SYNDIG1: variants seen among roughly 807,000 people sequenced by gnomAD.
The protein encoded by SYNDIG1 is synapse differentiation inducing 1.
SYNDIG1 carries 9 observed loss-of-function variants against 19.4 expected under a neutral mutation model. That is an observed-to-expected ratio of 0.46 (90% CI 0.28 to 0.81). The LOEUF is 0.81. Among genes scored for constraint, SYNDIG1 ranks in the 30% least tolerant of loss-of-function variants. The probability of loss-of-function intolerance (pLI) is 0.12; values close to 1 mark genes in which losing one functional copy is unlikely to be tolerated. For synonymous variants in SYNDIG1, 141 were observed against 145.9 expected (o/e 0.97, Z 0.24); for missense variants, 311 against 343.3 (o/e 0.91, Z 0.74).
intron 2 of SYNDIG1, among the ~76,000 whole-genome samples, chr20:24,573,270 G>A (rs1226560073): frequency 6.6e-6 from 1 of 152,206 alleles, no homozygotes; most frequent in Non-Finnish European, 1.5e-5. Context: ...ATAGAAGGCT[G>A]CATCCCTATT....
rs1298953714 is a variant in SYNDIG1 at position 24,666,370 on chromosome 20, C to G, written c.*866C>G. On this transcript the variant is annotated 3_prime_UTR_variant, in exon 4 of 4. Coordinates refer to ENST00000376862, the MANE Select transcript of SYNDIG1 (RefSeq NM_024893.3). ...CCGCGCTGGCGGATGCTCACCCCGT[C>G]ATAAGCAGAAACTAGTGATCCTGGA... is the stretch of plus-strand genomic sequence containing the variant. 1 of 152,644 alleles carries G rather than the reference C, an allele frequency of 6.6e-6. No individual in the cohort carries two copies. Among genetic ancestry groups the G allele is most frequent in the Non-Finnish European group, 1.5e-5 (1 of 68,048 alleles). The allele number at this position is 152,644 out of a possible 1,614,324, so 9.5% of individuals were successfully genotyped here.
rs150001545 is a variant in SYNDIG1, at chr20:24,565,257, A to G, written c.481-19599A>G. Among the ~76,000 whole-genome samples, 105 of 152,340 alleles carry G rather than the reference A, an allele frequency of 6.9e-4. 2 individuals carry two copies. Among genetic ancestry groups the G allele is most frequent in the Admixed American group, 4.3e-3 (66 of 15,304 alleles). On this transcript the variant is annotated intron_variant, in intron 2 of 3. Coordinates refer to ENST00000376862, the MANE Select transcript of SYNDIG1 (RefSeq NM_024893.3). ...GAAACAAGAATATGTGAAGGAAGGAACATTCCTCAGTTACAATGCAAGAAG... is the reference window on the plus strand; with the variant it reads ...GAAACAAGAATATGTGAAGGAAGGAGCATTCCTCAGTTACAATGCAAGAAG...
intron 1 of SYNDIG1, among the ~76,000 whole-genome samples, chr20:24,528,642 C>T (rs953718331): frequency 3.3e-5 from 5 of 152,162 alleles, no homozygotes; most frequent in African/African-American, 1.2e-4. Context: ...AGGCACTAAT[C>T]CTATGGGCGA....
chr20:24,618,813 CT>C (rs2058990786), intron 3 of SYNDIG1, among the ~76,000 whole-genome samples: 1 of 146,600 alleles, frequency 6.8e-6, no homozygotes. Context: ...ACTCTTTTTC[CT>C]TTTTCCTTTC....
In SYNDIG1 at chr20:24,591,803, C is replaced by T. The variant is rs543844194; in HGVS notation, c.618+6810C>T. On this transcript the variant is annotated intron_variant, in intron 3 of 3. Coordinates refer to ENST00000376862, the MANE Select transcript of SYNDIG1 (RefSeq NM_024893.3). ...AAGGGTAGAGCCAGGATTCGGTGCC[C>T]CCACCATCAATGCCCACTTCTGGGT... Among the ~76,000 whole-genome samples, 7 of 152,288 alleles carry T rather than the reference C, an allele frequency of 4.6e-5. No individual in the cohort carries two copies. In the South Asian group the frequency reaches 1.5e-3, roughly 32 times the overall value.
intron 2 of SYNDIG1, among the ~76,000 whole-genome samples, chr20:24,546,048 A>G (rs1334132922): frequency 6.6e-6 from 1 of 152,200 alleles, no homozygotes; most frequent in East Asian, 1.9e-4. Flanking sequence ...ATGGAGACAC[A>G]TTATGGCTGC....
At chr20:24,503,634 G>GCT (rs1339382082) in intron 1 of SYNDIG1, among the ~76,000 whole-genome samples, 1 of 149,750 alleles carries the variant, frequency 6.7e-6, no homozygotes, top group Non-Finnish European at 1.5e-5. Context: ...CCCTTTGCTA[G>GCT]CTTTCCACTG....
chr20:24,485,067 T>G (rs1189941621), intron 1 of SYNDIG1, among the ~76,000 whole-genome samples: 1 of 150,454 alleles, frequency 6.6e-6, no homozygotes, highest in African/African-American at 2.5e-5. Context: ...ACTTCCCTTT[T>G]GACCGTCTCT....
At chr20:24,487,420 C>CA (rs779721359) in intron 1 of SYNDIG1, among the ~76,000 whole-genome samples, 1 of 152,108 alleles carries the variant, frequency 6.6e-6, no homozygotes, top group East Asian at 1.9e-4. Context: ...GATGGTGGTC[C>CA]AGATGCCAGC....
intron 3 of SYNDIG1, among the ~76,000 whole-genome samples, chr20:24,622,789 A>T (rs1364282555): frequency 1.3e-5 from 2 of 152,228 alleles, no homozygotes; most frequent in East Asian, 1.9e-4. Flanking sequence ...AATATTTTTT[A>T]AAATCATGGC....
chr20:24,641,547 GTTA>G (rs1313606255), intron 3 of SYNDIG1, among the ~76,000 whole-genome samples: 1 of 152,180 alleles, frequency 6.6e-6, no homozygotes, highest in East Asian at 1.9e-4. Flanking sequence ...AAGTCAGTGT[GTTA>G]TTGTTGTTAG....
intron 3 of SYNDIG1, among the ~76,000 whole-genome samples, chr20:24,641,779 T>A (rs1358153445): frequency 6.6e-6 from 1 of 152,212 alleles, no homozygotes; most frequent in Non-Finnish European, 1.5e-5. Context: ...GACTCACAGC[T>A]CCTGGTCTCT....
At chr20:24,471,674 A>G (rs2055464875) in intron 1 of SYNDIG1, among the ~76,000 whole-genome samples, 1 of 151,854 alleles carries the variant, frequency 6.6e-6, no homozygotes, top group Admixed American at 6.6e-5. Flanking sequence ...GGAAAATTTC[A>G]GTTGTACACA....
At chr20:24,603,832 T>A (rs1420778028) in intron 3 of SYNDIG1, among the ~76,000 whole-genome samples, 1 of 152,316 alleles carries the variant, frequency 6.6e-6, no homozygotes, top group South Asian at 2.1e-4. Context: ...AGTGGATACC[T>A]GCTCCTGCAG....
intron 2 of SYNDIG1, among the ~76,000 whole-genome samples, chr20:24,557,266 C>T (rs965705434): frequency 2.6e-5 from 4 of 152,134 alleles, no homozygotes; most frequent in South Asian, 2.1e-4. Context: ...TCCTGTAGCT[C>T]GGAGTGGTTT....
intron 3 of SYNDIG1, among the ~76,000 whole-genome samples, chr20:24,586,009 T>C (rs962483488): frequency 1.3e-5 from 2 of 152,204 alleles, no homozygotes; most frequent in African/African-American, 4.8e-5. Context: ...GCTTCTGTAT[T>C]GGTTGGGTTT....
intron 3 of SYNDIG1, among the ~76,000 whole-genome samples, chr20:24,604,853 C>G (rs1185323038): frequency 1.3e-5 from 2 of 152,130 alleles, no homozygotes; most frequent in East Asian, 3.9e-4. Flanking sequence ...GACTCCTTTC[C>G]GGTAACACTG....
chr20:24,530,191 T>C (rs2057227336), intron 1 of SYNDIG1, among the ~76,000 whole-genome samples: 1 of 152,128 alleles, frequency 6.6e-6, no homozygotes, highest in Admixed American at 6.5e-5. Flanking sequence ...GGTCTGAATC[T>C]GCAGGTTTTC....
At chr20:24,569,257 G>A (rs1033119646) in intron 2 of SYNDIG1, among the ~76,000 whole-genome samples, 2 of 152,202 alleles carry the variant, frequency 1.3e-5, no homozygotes, top group Admixed American at 6.5e-5. Context: ...TCCAGGCAGC[G>A]TGTGACAGGA....
Sources: gnomAD v4.1 joint callset for allele counts (sites outside exome capture counted in the v4.1 genomes callset) on GRCh38, gnomAD v4.1.1 for gene constraint, MANE v1.5 for transcripts, NCBI Gene and HGNC (gene_info 2026-07-23, HGNC 2026-07-21) for gene names.